ZNF639: variants seen among roughly 807,000 people sequenced by gnomAD.
The protein encoded by ZNF639 is zinc finger amplified in esophageal squamous cell carcinomas 1.
Under a neutral mutation model 39.8 loss-of-function variants are expected in ZNF639, and 20 were observed. The ratio of observed to expected loss-of-function variants is 0.50; its 90% CI spans 0.35 to 0.73. The LOEUF is 0.73. Ranked by LOEUF, ZNF639 falls within the 30% of genes least tolerant of loss-of-function variation. The probability of loss-of-function intolerance (pLI) is 0.00; values close to 1 mark genes in which losing one functional copy is unlikely to be tolerated. For missense variants in ZNF639, 477 were observed against 566.2 expected, an observed-to-expected ratio of 0.84 and a Z score of 1.60; for synonymous variants, 176 against 189.8, an observed-to-expected ratio of 0.93 and a Z score of 0.60.
At chr3:179,333,215 T>C in intron 5 of ZNF639, 54 bp from the exon 6 acceptor site, 1 of 1,560,114 alleles carries the variant, frequency 6.4e-7, no homozygotes. Context: ...CCCAGTTGTA[T>C]TTAACAGATC....
intron 4 of ZNF639, among the ~76,000 whole-genome samples, chr3:179,331,403 G>A (rs1576991205): frequency 6.6e-6 from 1 of 152,278 alleles, no homozygotes; most frequent in Non-Finnish European, 1.5e-5. Flanking sequence ...CCTCCCTCTA[G>A]GAGGTGGAAT....
chr3:179,332,635 G>A (rs931018859), intron 4 of ZNF639, among the ~76,000 whole-genome samples: 1 of 152,186 alleles, frequency 6.6e-6, no homozygotes, highest in Non-Finnish European at 1.5e-5. Context: ...GCAAAATGTT[G>A]AAGCCCAGTT....
intron 4 of ZNF639, among the ~76,000 whole-genome samples, chr3:179,331,091 C>G (rs898979347): frequency 1.3e-5 from 2 of 152,120 alleles, no homozygotes; most frequent in African/African-American, 4.8e-5. Context: ...GAACCTGGAG[C>G]ATTTTGTAGT....
At chr3:179,330,414 C>G (rs912758891) in intron 4 of ZNF639, among the ~76,000 whole-genome samples, 1 of 152,082 alleles carries the variant, frequency 6.6e-6, no homozygotes, top group South Asian at 2.1e-4. Flanking sequence ...TTTTGAGTAG[C>G]TGGGACTACA....
intron 4 of ZNF639, 29 bp from the exon 5 acceptor site, chr3:179,332,956 ATAAT>A (rs1366166088): frequency 1.3e-6 from 2 of 1,517,204 alleles, no homozygotes; most frequent in East Asian, 2.5e-5. Context: ...GATTGTATAA[ATAAT>A]AAGTATTCTT....
chr3:179,325,492 G>A, intron 1 of ZNF639, among the ~76,000 whole-genome samples: 1 of 152,162 alleles, frequency 6.6e-6, no homozygotes, highest in East Asian at 1.9e-4. Context: ...TTTCACTAAG[G>A]CTGTTTCCAC....
intron 1 of ZNF639, among the ~76,000 whole-genome samples, chr3:179,326,719 A>G (rs559549908): frequency 5.9e-5 from 9 of 151,632 alleles, no homozygotes; most frequent in Admixed American, 5.3e-4. Context: ...TCCGCCTCCC[A>G]GGTTCAAGCC....
At position 179,334,091 on chromosome 3, in the gene ZNF639, G is replaced by A. The variant is rs373190671; in HGVS notation, c.1127G>A (p.Cys376Tyr). 1 of 1,613,682 alleles carries A rather than the reference G, an allele frequency of 6.2e-7. No individual in the cohort carries two copies. Among genetic ancestry groups the A allele is most frequent in the Non-Finnish European group, 8.5e-7 (1 of 1,179,830 alleles). The part of the protein sequence containing the change: ...TFDKCKNFFV[C>Y]QVCGFRSRLH... ...GACAAATGTAAAAACTTCTTTGTATGTCAAGTATGTGGTTTTCGGAGTAGA... is the reference window on the plus strand; with the variant it reads ...GACAAATGTAAAAACTTCTTTGTATATCAAGTATGTGGTTTTCGGAGTAGA... Residue 376 changes from cysteine (C) to tyrosine (Y), a missense_variant, in exon 6 of 6, where the codon TGT (cysteine) becomes TAT (tyrosine). Physicochemically the swap from Cys to Tyr is radical, Grantham distance 194 (BLOSUM62 -2). Transcript: ENST00000496856.
At position 179,335,435 on chromosome 3, in the gene ZNF639, C is replaced by G. The variant is rs1711502912; in HGVS notation, c.*1013C>G. The G allele has an allele frequency of 6.6e-6, 1 of 152,144 alleles. No homozygotes were observed. Among genetic ancestry groups the G allele is most frequent in the African/African-American group, 2.4e-5 (1 of 41,430 alleles). 9.4% of individuals were successfully genotyped at this position (152,144 alleles called of 1,614,324 possible). A position where few individuals can be genotyped will look rare whatever the true frequency, so the allele number is the denominator to read the frequency against. On this transcript the variant is annotated 3_prime_UTR_variant, in exon 6 of 6. Transcript: ENST00000496856. Reference sequence around the variant, plus strand: ...GTCAAATTGTTCATTGACAGAAAACCCACTGAAGTATTTAAAGTTAGGAAG... The same window carrying G: ...GTCAAATTGTTCATTGACAGAAAACGCACTGAAGTATTTAAAGTTAGGAAG...
Position 179,335,119 on chromosome 3 carries a change from T to C in ZNF639, c.*697T>C, listed in dbSNP as rs1173670033. The C allele has an allele frequency of 6.6e-6, 1 of 152,246 alleles. No homozygotes were observed. Among genetic ancestry groups the C allele is most frequent in the Non-Finnish European group, 1.5e-5 (1 of 68,046 alleles). The allele number at this position is 152,246 out of a possible 1,614,324, so 9.4% of individuals were successfully genotyped here. ...AGACTTAATATTTTTTTCTTAGAGA[T>C]GGTCTCGTTCTGTTGTCCAGGATGG... On this transcript the variant is annotated 3_prime_UTR_variant, in exon 6 of 6. Coordinates refer to ENST00000496856, the MANE Select transcript of ZNF639 (RefSeq NM_001303426.2).
At chr3:179,324,272 T>A (rs1335236689) in intron 1 of ZNF639, among the ~76,000 whole-genome samples, 6 of 152,250 alleles carry the variant, frequency 3.9e-5, no homozygotes, top group African/African-American at 1.4e-4. Flanking sequence ...GTATGTATTC[T>A]ATTTTGTGCA....
At chr3:179,322,986 C>T, upstream of ZNF639, 10 of 985,228 alleles carry the variant, frequency 1.0e-5, no homozygotes, top group Non-Finnish European at 1.1e-5. Flanking sequence ...CCGCTCCCTG[C>T]CCCCACCTCA....
In ZNF639 at chr3:179,338,433, C is replaced by T. The variant is rs930637435; in HGVS notation, c.*4011C>T. On this transcript the variant is annotated 3_prime_UTR_variant, in exon 6 of 6. Coordinates refer to ENST00000496856, the MANE Select transcript of ZNF639 (RefSeq NM_001303426.2). ...CTGCTTATAAATTTGCCAATTTTGC[C>T]ATTTTAAATCACCTTTCTTACGTTT... 4 of 152,128 alleles carry T rather than the reference C, an allele frequency of 2.6e-5. No homozygotes were observed. Among genetic ancestry groups the T allele is most frequent in the African/African-American group, 9.7e-5 (4 of 41,432 alleles). 9.4% of individuals were successfully genotyped at this position (152,128 alleles called of 1,614,324 possible). A position where few individuals can be genotyped will look rare whatever the true frequency, so the allele number is the denominator to read the frequency against.
chr3:179,325,749 C>T (rs1156965132), intron 1 of ZNF639, among the ~76,000 whole-genome samples: 3 of 151,946 alleles, frequency 2.0e-5, no homozygotes, highest in African/African-American at 4.8e-5. Flanking sequence ...AAAAATTAGC[C>T]GGGCGCCTGT....
intron 4 of ZNF639, among the ~76,000 whole-genome samples, 169 bp from the exon 5 acceptor site, chr3:179,332,820 G>A (rs1727988380): frequency 6.6e-6 from 1 of 152,142 alleles, no homozygotes; most frequent in Admixed American, 6.6e-5. Flanking sequence ...GCTTGTTTGA[G>A]CAGATTTTCT....
In ZNF639 at chr3:179,338,314, C is replaced by G. The variant is rs1269494032; in HGVS notation, c.*3892C>G. On this transcript the variant is annotated 3_prime_UTR_variant, in exon 6 of 6. Coordinates refer to ENST00000496856, the MANE Select transcript of ZNF639 (RefSeq NM_001303426.2). ...TTATGTTTTTCTTGCTGTTTTAAAT[C>G]TTCATCTTACAATGAGTTATTTTGA... 2 of 152,164 alleles carry G rather than the reference C, an allele frequency of 1.3e-5. No homozygotes were observed. Among genetic ancestry groups the G allele is most frequent in the African/African-American group, 4.8e-5 (2 of 41,436 alleles). The allele number at this position is 152,164 out of a possible 1,614,324, so 9.4% of individuals were successfully genotyped here.
At position 179,333,376 on chromosome 3, in the gene ZNF639, G is replaced by A; in HGVS notation, c.412G>A (p.Val138Ile). Residue 138 changes from valine to isoleucine, a missense_variant, in exon 6 of 6, where the codon GTT (valine) becomes ATT (isoleucine). By Grantham distance (29) the Val-to-Ile change is conservative (BLOSUM62 3). Transcript: ENST00000496856. ...TATAGAAGTTCACACTGCTGAAGAT[G>A]TTCCAATTGCTGTAGAAGTGCATGC... ...SPIEVHTAED[V>I]PIAVEVHAIS... 6.2e-7 allele frequency: 1 copy of A among 1,614,150 alleles called. No homozygotes were observed.
intron 1 of ZNF639, among the ~76,000 whole-genome samples, chr3:179,327,345 G>C (rs1478702390): frequency 2.0e-5 from 3 of 152,094 alleles, no homozygotes; most frequent in Non-Finnish European, 1.5e-5. Flanking sequence ...ACTATAGAAG[G>C]TAAATCATTT....
rs1220331009 is a variant in ZNF639, at chr3:179,323,136, G to T, written c.-238G>T. The T allele has an allele frequency of 1.0e-6, 1 of 984,646 alleles. No homozygotes were observed. Among genetic ancestry groups the T allele is most frequent in the Non-Finnish European group, 1.2e-6 (1 of 829,876 alleles). The allele number at this position is 984,646 out of a possible 1,614,324, so 61.0% of individuals were successfully genotyped here. On this transcript the variant is annotated 5_prime_UTR_variant, in exon 1 of 6. Transcript: ENST00000496856. ...GCGTGGGGCGCGCGGGGAGGGAGAG[G>T]GGTCGGCCCAGCACAGCGTCCGGGA...
Sources: allele counts gnomAD v4.1 joint callset (sites outside exome capture counted in the v4.1 genomes callset), GRCh38; gene constraint gnomAD v4.1.1; transcripts MANE v1.5; gene names NCBI Gene and HGNC (gene_info 2026-07-23, HGNC 2026-07-21).